The following NCAM2 variants were observed in gnomAD, a reference collection of about 807,000 sequenced individuals.
The protein encoded by NCAM2 is neural cell adhesion molecule 2, also known as N-CAM-2.
A neutral mutation model predicts 98.1 loss-of-function variants in NCAM2; 30 were observed. That is an observed-to-expected ratio of 0.31 (90% CI 0.23 to 0.41). The LOEUF (loss-of-function observed/expected upper bound fraction) is 0.41. NCAM2 is among the 10% of genes least tolerant of loss of function. The probability of loss-of-function intolerance (pLI) is 1.00; values close to 1 mark genes in which losing one functional copy is unlikely to be tolerated. For missense variants in NCAM2, 867 were observed against 1,005.8 expected, an observed-to-expected ratio of 0.86 and a Z score of 1.87; for synonymous variants, 368 against 342.4, an observed-to-expected ratio of 1.07 and a Z score of -0.83.
In NCAM2 at chr21:21,292,270, T is replaced by C. The variant is rs747160968; in HGVS notation, c.619+29T>C. Reference sequence around the variant, plus strand: ...AGCAGTAAATAATTTGTACATGTTTTATGGATTCATTTTAGCAATGTTTTT... The same window carrying C: ...AGCAGTAAATAATTTGTACATGTTTCATGGATTCATTTTAGCAATGTTTTT... On this transcript the variant is annotated intron_variant, in intron 5 of 17. Coordinates refer to ENST00000400546, the MANE Select transcript of NCAM2 (RefSeq NM_004540.5). 18 of 1,586,702 alleles carry C rather than the reference T, an allele frequency of 1.1e-5. No homozygotes were observed. The East Asian group carries it at 1.4e-4, about 12-fold the overall frequency.
intron 10 of NCAM2, among the ~76,000 whole-genome samples, chr21:21,416,530 CT>C (rs1162073544): frequency 2.0e-5 from 3 of 151,238 alleles, no homozygotes; most frequent in Admixed American, 2.0e-4. Context: ...AAAACACTAT[CT>C]TTCAAGCATG....
chr21:21,438,353 T>C (rs1275273840), intron 12 of NCAM2, among the ~76,000 whole-genome samples: 2 of 152,296 alleles, frequency 1.3e-5, no homozygotes, highest in Non-Finnish European at 2.9e-5. Flanking sequence ...AATAAATCAT[T>C]AACAAATTCT....
intron 1 of NCAM2, among the ~76,000 whole-genome samples, chr21:21,090,528 A>C (rs147513940): frequency 6.7e-4 from 102 of 152,254 alleles, no homozygotes; most frequent in African/African-American, 2.3e-3. Context: ...CTTCCTTTTC[A>C]AGAAATATCC....
chr21:21,451,813 A>T (rs1026340322), intron 12 of NCAM2, among the ~76,000 whole-genome samples: 1 of 152,132 alleles, frequency 6.6e-6, no homozygotes, highest in Non-Finnish European at 1.5e-5. Flanking sequence ...ACCTCACCAG[A>T]CATCTTCATC....
Position 21,410,402 on chromosome 21 carries a change from C to A in NCAM2, c.1324C>A (p.Pro442Thr). Reference protein sequence around the residue: ...IHWRRDKLVLPAKNTTNLKTY... With the variant: ...IHWRRDKLVLTAKNTTNLKTY... ...CTGGAGAAGAGATAAATTAGTCTTA[C>A]CTGCTAAAAACACGACCAATTTAAA... Residue 442 changes from proline (P) to threonine (T), a missense_variant, in exon 10 of 18, where the codon CCT becomes ACT. Around this residue, in one of 5 missense-constraint regions of NCAM2, gnomAD observed 56 missense variants for 39.6 expected, o/e 1.41. Transcript: ENST00000400546. The A allele has an allele frequency of 6.2e-7, 1 of 1,600,046 alleles. No individual in the cohort carries two copies. The highest frequency in any genetic ancestry group is 8.5e-7 in the Non-Finnish European group (1 of 1,172,746).
intron 1 of NCAM2, among the ~76,000 whole-genome samples, chr21:21,206,635 G>C (rs776824291): frequency 6.6e-6 from 1 of 151,634 alleles, no homozygotes; most frequent in South Asian, 2.1e-4. Context: ...TAGGTTACAG[G>C]TGTTGTTATA....
At chr21:21,087,088 G>A (rs1374199529) in intron 1 of NCAM2, among the ~76,000 whole-genome samples, 1 of 152,004 alleles carries the variant, frequency 6.6e-6, no homozygotes, top group Non-Finnish European at 1.5e-5. Context: ...GCGTGTGTGT[G>A]TGTGTGTGTT....
intron 1 of NCAM2, among the ~76,000 whole-genome samples, chr21:21,265,215 G>T (rs10222090): frequency 0.82 from 97,678 of 119,404 alleles, 39,941 homozygotes; most frequent in East Asian, 0.99. Flanking sequence ...TGTGTATATA[G>T]TATATTATAT....
intron 1 of NCAM2, among the ~76,000 whole-genome samples, chr21:21,224,244 C>T (rs1291614314): frequency 1.3e-5 from 2 of 151,996 alleles, no homozygotes; most frequent in East Asian, 1.9e-4. Flanking sequence ...GAAATTTCTC[C>T]AAAAAAGAAA....
chr21:21,474,987 T>TAA (rs1984973013), intron 14 of NCAM2, among the ~76,000 whole-genome samples: 1 of 150,370 alleles, frequency 6.7e-6, no homozygotes, highest in Non-Finnish European at 1.5e-5. Context: ...TCTATATATA[T>TAA]AACACATATA....
chr21:21,039,273 A>G (rs1340411208), intron 1 of NCAM2, among the ~76,000 whole-genome samples: 1 of 152,172 alleles, frequency 6.6e-6, no homozygotes, highest in Non-Finnish European at 1.5e-5. Context: ...TCTTTCACAT[A>G]TGAGTGAAAG....
intron 1 of NCAM2, among the ~76,000 whole-genome samples, chr21:21,249,616 TA>T (rs1346645045): frequency 6.6e-6 from 1 of 152,212 alleles, no homozygotes; most frequent in Admixed American, 6.5e-5. Flanking sequence ...TGCCTTACAA[TA>T]AATGGCTTCT....
chr21:21,262,514 A>G (rs1448789413), intron 1 of NCAM2, among the ~76,000 whole-genome samples: 1 of 152,106 alleles, frequency 6.6e-6, no homozygotes, highest in African/African-American at 2.4e-5. Context: ...AATAAGAGCT[A>G]TATTTGACTA....
At chr21:21,507,752 T>G in intron 15 of NCAM2, among the ~76,000 whole-genome samples, 1 of 138,866 alleles carries the variant, frequency 7.2e-6, no homozygotes, top group Non-Finnish European at 1.5e-5. Flanking sequence ...ATCGCCCCAC[T>G]GCACTCCAGC....
intron 5 of NCAM2, among the ~76,000 whole-genome samples, chr21:21,305,277 C>T (rs999265918): frequency 2.0e-5 from 3 of 151,962 alleles, no homozygotes; most frequent in African/African-American, 7.3e-5. Flanking sequence ...AAGATTATAC[C>T]GATGCACTCC....
intron 16 of NCAM2, among the ~76,000 whole-genome samples, chr21:21,520,766 C>T (rs150525097): frequency 2.6e-5 from 4 of 152,198 alleles, no homozygotes; most frequent in Admixed American, 6.5e-5. Context: ...GAGCAGAAAC[C>T]TGTAAGCAGA....
At chr21:21,316,926 G>T (rs748616599) in intron 5 of NCAM2, among the ~76,000 whole-genome samples, 132 of 152,098 alleles carry the variant, frequency 8.7e-4, no homozygotes, top group Non-Finnish European at 1.5e-3. Context: ...ACCCCCCGGT[G>T]CCAAATTCAA....
intron 1 of NCAM2, among the ~76,000 whole-genome samples, chr21:21,016,843 C>T (rs748917703): frequency 1.3e-5 from 2 of 152,118 alleles, no homozygotes; most frequent in Non-Finnish European, 2.9e-5. Flanking sequence ...AGTTTGAACT[C>T]AGGCTTGCTT....
chr21:21,021,921 A>G (rs977002508), intron 1 of NCAM2, among the ~76,000 whole-genome samples: 5 of 152,280 alleles, frequency 3.3e-5, no homozygotes, highest in South Asian at 2.1e-4. Flanking sequence ...TGTCATGCAC[A>G]TAGTAGATGT....
Sources: gnomAD v4.1 joint callset for allele counts (sites outside exome capture counted in the v4.1 genomes callset) on GRCh38, gnomAD v4.1.1 for gene constraint, gnomAD v4.1.1 regional missense constraint, MANE v1.5 for transcripts, NCBI Gene and HGNC (gene_info 2026-07-23, HGNC 2026-07-21) for gene names.